GALNT18: variants seen among roughly 807,000 people sequenced by gnomAD.
GALNT18 encodes polypeptide N-acetylgalactosaminyltransferase 18, also known as GalNAc-transferase 18.
In GALNT18, 44 loss-of-function variants were observed where a neutral mutation model predicts 69.5. That is an observed-to-expected ratio of 0.63 (90% CI 0.50 to 0.81). The LOEUF (loss-of-function observed/expected upper bound fraction) is 0.81, where lower values mean the gene tolerates loss of function less well. Ranked by LOEUF, GALNT18 falls within the 40% of genes least tolerant of loss-of-function variation. The pLI is 0.00. For missense variants in GALNT18, 715 were observed against 810.0 expected (o/e 0.88, Z 1.42); for synonymous variants, 364 against 318.2 (o/e 1.14, Z -1.53).
intron 9 of GALNT18, among the ~76,000 whole-genome samples, chr11:11,300,413 A>G (rs981548612): frequency 2.0e-5 from 3 of 152,194 alleles, no homozygotes; most frequent in Non-Finnish European, 4.4e-5. Flanking sequence ...AAGGGAGAAA[A>G]CAACGGAATT....
At chr11:11,502,235 G>A (rs148685429) in intron 1 of GALNT18, among the ~76,000 whole-genome samples, 1 of 152,148 alleles carries the variant, frequency 6.6e-6, no homozygotes, top group Non-Finnish European at 1.5e-5. Context: ...TGCGCTCCTG[G>A]GGCCCCTTGC....
chr11:11,339,597 T>C lies in GALNT18; in HGVS notation c.1278+1222A>G, dbSNP rs978479741. Among the ~76,000 whole-genome samples, 1 of 152,112 alleles carries C rather than the reference T, an allele frequency of 6.6e-6. No homozygotes were observed. Among genetic ancestry groups the C allele is most frequent in the Non-Finnish European group, 1.5e-5 (1 of 68,022 alleles). On this transcript the variant is annotated intron_variant, in intron 7 of 10. Coordinates refer to ENST00000227756, the MANE Select transcript of GALNT18 (RefSeq NM_198516.3). The surrounding 1 kb of genome is among the most constrained non-coding windows in gnomAD (Gnocchi z 5.2). ...ACCGTGATTCAATCCTGACCATGAG[T>C]CCAGAAGGTAATGCAGTTCCCCAGA... is the stretch of plus-strand genomic sequence containing the variant.
chr11:11,318,719 A>G lies in GALNT18; in HGVS notation c.1512+8367T>C, dbSNP rs1849795587. ...GGCCTGGAGTGTCCCTCGACCTTCA[A>G]CAAACTTTGTGAAAAGAGTAAGAAA... On this transcript the variant is annotated intron_variant, in intron 9 of 10. Coordinates refer to ENST00000227756, the MANE Select transcript of GALNT18 (RefSeq NM_198516.3). This position sits in a 1 kb window ranked among gnomAD's most constrained non-coding sequence, Gnocchi z 5.1. Among the ~76,000 whole-genome samples the G allele has an allele frequency of 6.6e-6, 1 of 152,208 alleles. No individual in the cohort carries two copies. Among genetic ancestry groups the G allele is most frequent in the Admixed American group, 6.5e-5 (1 of 15,282 alleles).
chr11:11,529,737 TGA>T (rs1564996281), intron 1 of GALNT18, among the ~76,000 whole-genome samples: 1 of 152,142 alleles, frequency 6.6e-6, no homozygotes, highest in African/African-American at 2.4e-5. Flanking sequence ...AGACTGTATA[TGA>T]GTGTGTGCCT....
At chr11:11,544,390 C>T (rs1354024461) in intron 1 of GALNT18, among the ~76,000 whole-genome samples, 3 of 152,202 alleles carry the variant, frequency 2.0e-5, no homozygotes, top group Non-Finnish European at 2.9e-5. Context: ...GTGCCAGTCA[C>T]TATGCTAAGC....
At position 11,595,578 on chromosome 11, in the gene GALNT18, T is replaced by G. The variant is rs1188049713; in HGVS notation, c.235+25781A>C. Reference sequence around the variant, plus strand: ...ACATCCTCACCAACACTCATTATCCTAGTGGGTGTGAAGCCATATCTCATT... The same window carrying G: ...ACATCCTCACCAACACTCATTATCCGAGTGGGTGTGAAGCCATATCTCATT... On this transcript the variant is annotated intron_variant, in intron 1 of 10. Coordinates refer to ENST00000227756, the MANE Select transcript of GALNT18 (RefSeq NM_198516.3). The surrounding 1 kb of genome is among the most constrained non-coding windows in gnomAD (Gnocchi z 5.2). 1.3e-5 allele frequency among the ~76,000 whole-genome samples: 2 copies of G among 152,232 alleles called. No individual in the cohort carries two copies. The highest frequency in any genetic ancestry group is 2.9e-5 in the Non-Finnish European group (2 of 68,038).
chr11:11,379,662 C>G (rs752616220), intron 3 of GALNT18, among the ~76,000 whole-genome samples: 1 of 152,206 alleles, frequency 6.6e-6, no homozygotes, highest in African/African-American at 2.4e-5. Context: ...ATCATCAGCA[C>G]GGCTACCTCC....
rs543486346 is a variant in GALNT18, at chr11:11,523,579, C to T, written c.236-74643G>A. Among the ~76,000 whole-genome samples, 5 of 151,908 alleles carry T rather than the reference C, an allele frequency of 3.3e-5. No homozygotes were observed. Among genetic ancestry groups the T allele is most frequent in the South Asian group, 4.2e-4 (2 of 4,792 alleles). The stretch of plus-strand genomic sequence containing the variant: ...CTAAAAATACAAAAAATTAGCCAGG[C>T]GTGTTGGTGGGCTCCTGTAGTCCCA... On this transcript the variant is annotated intron_variant, in intron 1 of 10. Transcript: ENST00000227756. This position sits in a 1 kb window ranked among gnomAD's most constrained non-coding sequence, Gnocchi z 4.3.
intron 3 of GALNT18, among the ~76,000 whole-genome samples, chr11:11,395,893 C>G (rs779154126): frequency 6.6e-6 from 1 of 152,070 alleles, no homozygotes; most frequent in Admixed American, 6.6e-5. Flanking sequence ...ACCATGACCA[C>G]GATGCAAATG....
intron 10 of GALNT18, among the ~76,000 whole-genome samples, chr11:11,274,411 C>T (rs1848894262): frequency 6.6e-6 from 1 of 152,206 alleles, no homozygotes; most frequent in African/African-American, 2.4e-5. Flanking sequence ...GGGTCCCACT[C>T]CCACAGAGCC....
Position 11,402,315 on chromosome 11 carries a change from C to A in GALNT18, c.596-23051G>T, listed in dbSNP as rs1854486123. 6.6e-6 allele frequency among the ~76,000 whole-genome samples: 1 copy of A among 152,180 alleles called. No homozygotes were observed. The highest frequency in any genetic ancestry group is 2.1e-4 in the South Asian group (1 of 4,832). On this transcript the variant is annotated intron_variant, in intron 3 of 10. Transcript: ENST00000227756. The surrounding 1 kb of genome is among the most constrained non-coding windows in gnomAD (Gnocchi z 4.0). ...CATTTATGAAATGTAAGCAACTCATCCAATATTCTCAGAAAAAATAACTGT... is the reference window on the plus strand; with the variant it reads ...CATTTATGAAATGTAAGCAACTCATACAATATTCTCAGAAAAAATAACTGT...
intron 3 of GALNT18, among the ~76,000 whole-genome samples, chr11:11,427,675 G>A (rs1855164636): frequency 6.6e-6 from 1 of 152,172 alleles, no homozygotes; most frequent in Admixed American, 6.5e-5. Flanking sequence ...AGCTGGAATG[G>A]AAAAGCTGGC....
Position 11,540,532 on chromosome 11 carries a change from G to A in GALNT18, c.235+80827C>T, listed in dbSNP as rs756524439. 1.1e-4 allele frequency among the ~76,000 whole-genome samples: 16 copies of A among 152,260 alleles called. No homozygotes were observed. Among genetic ancestry groups the A allele is most frequent in the South Asian group, 2.1e-4 (1 of 4,824 alleles). On this transcript the variant is annotated intron_variant, in intron 1 of 10. Transcript: ENST00000227756. This position sits in a 1 kb window ranked among gnomAD's most constrained non-coding sequence, Gnocchi z 4.6. ...CTTTGGAATCACGGCAATCATATAA[G>A]TAATACTGAGGCTGCACTGAGGGGC...
At chr11:11,510,493 T>C (rs1187870793) in intron 1 of GALNT18, among the ~76,000 whole-genome samples, 5 of 151,968 alleles carry the variant, frequency 3.3e-5, no homozygotes, top group African/African-American at 9.7e-5. Flanking sequence ...TACCAGGCAC[T>C]GGGCATGCAG....
At position 11,613,202 on chromosome 11, in the gene GALNT18, A is replaced by C. The variant is rs11021956; in HGVS notation, c.235+8157T>G. ...ACCAAAGCTTAAGTGTTCATATAACAAGGAATCCTCTTGCTTAAAGTTCCA... is the reference window on the plus strand; with the variant it reads ...ACCAAAGCTTAAGTGTTCATATAACCAGGAATCCTCTTGCTTAAAGTTCCA... On this transcript the variant is annotated intron_variant, in intron 1 of 10. Coordinates refer to ENST00000227756, the MANE Select transcript of GALNT18 (RefSeq NM_198516.3). The surrounding 1 kb of genome is among the most constrained non-coding windows in gnomAD (Gnocchi z 4.2). Among the ~76,000 whole-genome samples, 33,063 of 152,144 alleles carry C rather than the reference A, an allele frequency of 0.22. 3,674 individuals carry two copies. The highest frequency in any genetic ancestry group is 0.26 in the African/African-American group (10,619 of 41,486).
intron 1 of GALNT18, among the ~76,000 whole-genome samples, chr11:11,531,848 A>G (rs1857655743): frequency 6.6e-6 from 1 of 152,186 alleles, no homozygotes; most frequent in Admixed American, 6.5e-5. Flanking sequence ...CAGGTAAACA[A>G]TTTGGGTATA....
At chr11:11,495,602 T>C (rs1856853496) in intron 1 of GALNT18, among the ~76,000 whole-genome samples, 1 of 152,154 alleles carries the variant, frequency 6.6e-6, no homozygotes, top group African/African-American at 2.4e-5. Context: ...TGTGGCAGCC[T>C]CCATTCAAGC....
chr11:11,468,797 G>C (rs1238365884), intron 1 of GALNT18, among the ~76,000 whole-genome samples: 3 of 152,204 alleles, frequency 2.0e-5, no homozygotes, highest in Non-Finnish European at 1.5e-5. Context: ...GTCACTGAAG[G>C]GGGTGTGGCA....
chr11:11,319,853 A>G (rs1849814608), intron 9 of GALNT18, among the ~76,000 whole-genome samples: 1 of 152,248 alleles, frequency 6.6e-6, no homozygotes, highest in Admixed American at 6.5e-5. Flanking sequence ...ACTCAAGGAC[A>G]TGGTCTAGAG....
Sources: gnomAD v4.1 joint callset for allele counts (sites outside exome capture counted in the v4.1 genomes callset) on GRCh38, gnomAD v4.1.1 for gene constraint, Gnocchi (gnomAD v3.1) non-coding constraint, MANE v1.5 for transcripts, NCBI Gene and HGNC (gene_info 2026-07-23, HGNC 2026-07-21) for gene names.